The following PLCZ1 variants were observed in gnomAD, a reference collection of about 807,000 sequenced individuals.
The protein encoded by PLCZ1 is phospholipase C zeta 1, also known as 1-phosphatidylinositol 4,5-bisphosphate phosphodiesterase zeta-1.
In PLCZ1, 64 loss-of-function variants were observed where a neutral mutation model predicts 76.8. That is an observed-to-expected ratio of 0.83 (90% CI 0.68 to 1.03). The LOEUF is 1.03. Ranked by LOEUF, PLCZ1 falls within the 50% of genes least tolerant of loss-of-function variation. The pLI is 0.00. For missense variants in PLCZ1, 751 were observed against 713.7 expected, an observed-to-expected ratio of 1.05 and a Z score of -0.60; for synonymous variants, 248 against 230.8, an observed-to-expected ratio of 1.07 and a Z score of -0.68.
chr12:18,737,706 T>C, intron 1 of PLCZ1, 197 bp from the exon 2 acceptor site: 1 of 465,394 alleles, frequency 2.1e-6, no homozygotes, highest in East Asian at 4.1e-5. Context: ...TGTCTGGCAT[T>C]TTTCCATGAA....
At chr12:18,657,820 GA>G in the PLCZ1 span, among the ~76,000 whole-genome samples, 1 of 151,318 alleles carries the variant, frequency 6.6e-6, no homozygotes, top group South Asian at 2.1e-4. Flanking sequence ...CCCATACACA[GA>G]AAAAAAAGGA....
chr12:18,684,340 T>C lies in PLCZ1; in HGVS notation c.1592-61A>G, dbSNP rs183962258. On this transcript the variant is annotated intron_variant, in intron 13 of 14. Transcript: ENST00000266505. ...GATACCATATCTAGGAAAAAATAGA[T>C]TACATTTGTTCTCCAAACTTTTTCT... The C allele has an allele frequency of 3.3e-5, 49 of 1,490,056 alleles. 2 individuals carry two copies. In the South Asian group the frequency reaches 5.8e-4, roughly 18 times the overall value. The allele number at this position is 1,490,056 out of a possible 1,614,324, so 92.3% of individuals were successfully genotyped here. A position where few individuals can be genotyped will look rare whatever the true frequency, so the allele number is the denominator to read the frequency against.
the PLCZ1 span, among the ~76,000 whole-genome samples, chr12:18,654,541 C>A: frequency 2.3e-4 from 35 of 152,250 alleles, no homozygotes; most frequent in African/African-American, 8.4e-4. Context: ...GATGAAAACG[C>A]ATCTGTGTCA....
At chr12:18,681,602 C>A (rs1055894384), downstream of PLCZ1, among the ~76,000 whole-genome samples, 8 of 151,850 alleles carry the variant, frequency 5.3e-5, no homozygotes, top group Non-Finnish European at 7.4e-5. Flanking sequence ...ATAAATAATG[C>A]AAATTTTAAA....
chr12:18,685,349 T>C (rs374146761), intron 13 of PLCZ1: 2 of 160,616 alleles, frequency 1.2e-5, no homozygotes, highest in Admixed American at 6.1e-5. Flanking sequence ...TTTAACAGAA[T>C]CAAGAAATTC....
At chr12:18,648,063 A>G in the PLCZ1 span, 6 of 1,400,248 alleles carry the variant, frequency 4.3e-6, no homozygotes, top group Admixed American at 1.1e-4. Flanking sequence ...TTCATTAACT[A>G]CTTGTATTTT....
At chr12:18,723,570 C>T (rs777941515) in intron 3 of PLCZ1, 28 bp from the exon 4 acceptor site, 6 of 1,516,762 alleles carry the variant, frequency 4.0e-6, no homozygotes, top group Non-Finnish European at 5.5e-6. Flanking sequence ...GGTGGGCTCA[C>T]ATTGTGAGTA....
the PLCZ1 span, among the ~76,000 whole-genome samples, chr12:18,650,294 T>G: frequency 5.4e-4 from 7 of 12,996 alleles, no homozygotes; most frequent in South Asian, 0.065. Flanking sequence ...AACCCAAATT[T>G]CTCTCTCTCT....
chr12:18,696,322 C>CTATATATATATATATATATATATATACA (rs1954992194), intron 10 of PLCZ1, 56 bp from the exon 11 acceptor site: 1 of 253,072 alleles, frequency 4.0e-6, no homozygotes, highest in African/African-American at 6.1e-5. Context: ...TAAAAAGCCA[C>CTATATATATATATATATATATATATACA]TATATATATA....
chr12:18,664,797 C>A, the PLCZ1 span, among the ~76,000 whole-genome samples: 609 of 151,332 alleles, frequency 4.0e-3, 6 homozygotes, highest in African/African-American at 0.014. Flanking sequence ...GAAAATGTGG[C>A]ACATATACAC....
rs368073546 is a variant in PLCZ1 at position 18,683,262 on chromosome 12, C to T, written c.1804G>A (p.Val602Ile). 5 of 1,612,370 alleles carry T rather than the reference C, an allele frequency of 3.1e-6. No homozygotes were observed. In the African/African-American group the frequency reaches 4.0e-5, roughly 13 times the overall value. The change falls in exon 15 of 15, where the codon GTT becomes ATT. Residue 602 changes from valine (V) to isoleucine (I), a missense_variant. Physicochemically the swap from Val to Ile is conservative, Grantham distance 29. Coordinates refer to ENST00000266505, the MANE Select transcript of PLCZ1 (RefSeq NM_033123.4). ...GESLEPASLF[V>I]YVWYVR is the part of the protein sequence containing the mutation. ...TGTTATCTGACGTACCAAACATAAA[C>T]AAACAGTGAAGCAGGCTCAAGGCTC... is the stretch of plus-strand genomic sequence containing the variant.
intron 12 of PLCZ1, among the ~76,000 whole-genome samples, chr12:18,690,292 C>T (rs145655026): frequency 1.5e-4 from 23 of 152,210 alleles, no homozygotes; most frequent in Non-Finnish European, 3.1e-4. Context: ...GGTGCGACCT[C>T]GGCTCACTGC....
chr12:18,647,667 C>A, the PLCZ1 span, among the ~76,000 whole-genome samples: 1 of 151,844 alleles, frequency 6.6e-6, no homozygotes, highest in Non-Finnish European at 1.5e-5. Context: ...AGGATTCTTA[C>A]AAAAATAGCC....
chr12:18,685,729 C>G (rs149176508), intron 13 of PLCZ1: 1 of 481,674 alleles, frequency 2.1e-6, no homozygotes, highest in African/African-American at 2.0e-5. Flanking sequence ...TACTGCAAAA[C>G]ATCTGCAGAA....
downstream of PLCZ1, among the ~76,000 whole-genome samples, chr12:18,681,269 T>G (rs1952387069): frequency 6.6e-6 from 1 of 152,040 alleles, no homozygotes; most frequent in African/African-American, 2.4e-5. Flanking sequence ...TATAACCTAA[T>G]CTAGCAGAAC....
chr12:18,653,730 G>A, the PLCZ1 span, among the ~76,000 whole-genome samples: 1 of 152,132 alleles, frequency 6.6e-6, no homozygotes, highest in Non-Finnish European at 1.5e-5. Context: ...TTAAAGGAAA[G>A]ACACTCATTA....
intron 12 of PLCZ1, chr12:18,693,277 T>C (rs56168307): frequency 0.14 from 218,000 of 1,514,734 alleles, 16,976 homozygotes; most frequent in African/African-American, 0.21. Context: ...ATGGATGACA[T>C]GGATCCCCTG....
intron 1 of PLCZ1, 185 bp downstream of exon 1, chr12:18,737,747 A>G (rs754035779): frequency 1.3e-5 from 5 of 383,918 alleles, no homozygotes; most frequent in Admixed American, 3.7e-5. Flanking sequence ...ATTTTTTACT[A>G]CTTTGTTTAA....
chr12:18,658,885 A>G, the PLCZ1 span, among the ~76,000 whole-genome samples: 1 of 152,198 alleles, frequency 6.6e-6, no homozygotes, highest in African/African-American at 2.4e-5. Flanking sequence ...TTGCATTATG[A>G]AACCTGTAAA....
Sources: allele counts gnomAD v4.1 joint callset (sites outside exome capture counted in the v4.1 genomes callset), GRCh38; gene constraint gnomAD v4.1.1; transcripts MANE v1.5; gene names NCBI Gene and HGNC (gene_info 2026-07-23, HGNC 2026-07-21).